Variants in RIMS1 observed in about 807,000 individuals in gnomAD.
The protein encoded by RIMS1 is regulating synaptic membrane exocytosis 1, also known as regulating synaptic membrane exocytosis protein 1.
RIMS1 carries 83 observed loss-of-function variants against 214.1 expected under a neutral mutation model. That is an observed-to-expected ratio of 0.39 (90% CI 0.32 to 0.47). RIMS1 has a LOEUF of 0.47. Among genes scored for constraint, RIMS1 ranks in the 20% least tolerant of loss-of-function variants. RIMS1 has a pLI of 0.99. For synonymous variants in RIMS1, 793 were observed against 786.8 expected (o/e 1.01, Z -0.13); for missense variants, 2,050 against 2,161.8 (o/e 0.95, Z 1.03).
intron 16 of RIMS1, among the ~76,000 whole-genome samples, chr6:72,254,977 G>A (rs1447408935): frequency 6.6e-6 from 1 of 151,672 alleles, no homozygotes; most frequent in African/African-American, 2.4e-5. Flanking sequence ...AATATGACTA[G>A]TAACTTATAA....
At chr6:72,195,594 C>T (rs2050730694) in intron 6 of RIMS1, among the ~76,000 whole-genome samples, 1 of 151,976 alleles carries the variant, frequency 6.6e-6, no homozygotes, top group Non-Finnish European at 1.5e-5. Context: ...GAATCGGGAA[C>T]TCTTATAAGA....
chr6:71,968,838 G>T, intron 1 of RIMS1, 145 bp from the exon 2 acceptor site: 1 of 683,948 alleles, frequency 1.5e-6, no homozygotes, highest in South Asian at 1.9e-5. Flanking sequence ...AACTCCAAGG[G>T]CTTTGCTGGG....
At chr6:72,377,264 G>A (rs970865921) in intron 29 of RIMS1, among the ~76,000 whole-genome samples, 13 of 152,252 alleles carry the variant, frequency 8.5e-5, no homozygotes, top group Admixed American at 3.3e-4. Context: ...TTCAAGCTGT[G>A]TCCACTGCCA....
chr6:72,398,364 T>C lies in RIMS1; in HGVS notation c.4720+14T>C, dbSNP rs1451861388. ...AATCTACACCTGGTAAGGAGAAGTATTCCTGAATTTGGTGAAGGGACTATT... is the reference window on the plus strand; with the variant it reads ...AATCTACACCTGGTAAGGAGAAGTACTCCTGAATTTGGTGAAGGGACTATT... On this transcript the variant is annotated intron_variant, in intron 32 of 33. Coordinates refer to ENST00000521978, the MANE Select transcript of RIMS1 (RefSeq NM_014989.7). The C allele has an allele frequency of 1.3e-6, 2 of 1,530,900 alleles. No individual in the cohort carries two copies. The highest frequency in any genetic ancestry group is 1.4e-5 in the African/African-American group (1 of 72,942). 94.8% of individuals were successfully genotyped at this position (1,530,900 alleles called of 1,614,324 possible). A position where few individuals can be genotyped will look rare whatever the true frequency, so the allele number is the denominator to read the frequency against.
At chr6:72,062,110 A>G (rs1334234754) in intron 2 of RIMS1, among the ~76,000 whole-genome samples, 1 of 152,172 alleles carries the variant, frequency 6.6e-6, no homozygotes, top group Non-Finnish European at 1.5e-5. Flanking sequence ...CTAACAGGGA[A>G]CTTTGAAAAT....
chr6:71,974,299 G>A (rs1183541007), intron 2 of RIMS1, among the ~76,000 whole-genome samples: 1 of 152,030 alleles, frequency 6.6e-6, no homozygotes, highest in African/African-American at 2.4e-5. Context: ...GGGAATTTGT[G>A]TGTGGGCATG....
At position 72,182,283 on chromosome 6, in the gene RIMS1, G is replaced by A; in HGVS notation, c.813-1G>A. 1 of 1,566,436 alleles carries A rather than the reference G, an allele frequency of 6.4e-7. No homozygotes were observed. Among genetic ancestry groups the A allele is most frequent in the Non-Finnish European group, 8.6e-7 (1 of 1,161,414 alleles). ...CCTTGACGTTCCTTTGTATATCATA[G>A]AAAGAAGACCCCAGGGCTTTCCGAG... On this transcript the variant is annotated splice_acceptor_variant, in intron 5 of 33. Transcript: ENST00000521978. LOFTEE classifies it high-confidence loss of function.
intron 2 of RIMS1, among the ~76,000 whole-genome samples, chr6:72,024,911 T>TC (rs1369004372): frequency 7.0e-6 from 1 of 143,038 alleles, no homozygotes; most frequent in Non-Finnish European, 1.5e-5. Flanking sequence ...TTTTTTTTTT[T>TC]TTTTTTTTTT....
intron 1 of RIMS1, among the ~76,000 whole-genome samples, chr6:71,927,186 T>C (rs1374247757): frequency 6.6e-6 from 1 of 152,178 alleles, no homozygotes; most frequent in African/African-American, 2.4e-5. Context: ...TAGAAGAATC[T>C]TTCTCAATAC....
intron 2 of RIMS1, among the ~76,000 whole-genome samples, chr6:72,032,284 A>G (rs558379455): frequency 2.0e-5 from 3 of 152,266 alleles, no homozygotes; most frequent in South Asian, 4.1e-4. Context: ...TACAGCAAGA[A>G]CTGATTCATT....
chr6:72,268,182 A>C (rs2081442175), intron 22 of RIMS1, among the ~76,000 whole-genome samples: 1 of 152,214 alleles, frequency 6.6e-6, no homozygotes, highest in African/African-American at 2.4e-5. Flanking sequence ...CCTATGAAGC[A>C]GCTTTGAAGC....
At chr6:72,258,314 A>G (rs1229686724) in intron 17 of RIMS1, 33 bp downstream of exon 17, 19 of 1,581,342 alleles carry the variant, frequency 1.2e-5, no homozygotes, top group African/African-American at 2.7e-5. Context: ...TGTCCCTGAC[A>G]GTACATTTTT....
At chr6:71,915,996 A>G (rs62407751) in intron 1 of RIMS1, among the ~76,000 whole-genome samples, 19,912 of 151,966 alleles carry the variant, frequency 0.13, 1,666 homozygotes, top group Middle Eastern at 0.21. Context: ...ACCCTCCCCC[A>G]TGATTCAATT....
At chr6:71,970,332 A>G (rs1456349182) in intron 2 of RIMS1, among the ~76,000 whole-genome samples, 1 of 152,208 alleles carries the variant, frequency 6.6e-6, no homozygotes, top group South Asian at 2.1e-4. Flanking sequence ...TTTTTGGATA[A>G]TTCATAGAAA....
At chr6:72,004,052 A>G (rs1445511444) in intron 2 of RIMS1, among the ~76,000 whole-genome samples, 1 of 116,194 alleles carries the variant, frequency 8.6e-6, no homozygotes, top group African/African-American at 3.4e-5. Flanking sequence ...CCAGAGTGTG[A>G]CATTACCCTT....
At chr6:71,945,355 G>T (rs746520158) in intron 1 of RIMS1, among the ~76,000 whole-genome samples, 1 of 152,156 alleles carries the variant, frequency 6.6e-6, no homozygotes, top group African/African-American at 2.4e-5. Context: ...GATCTAAAAG[G>T]CAGGGTGCTG....
At chr6:72,354,466 T>A (rs1007783349) in intron 29 of RIMS1, among the ~76,000 whole-genome samples, 1 of 152,174 alleles carries the variant, frequency 6.6e-6, no homozygotes, top group Admixed American at 6.5e-5. Flanking sequence ...ACTCATGTAT[T>A]TGCTGTAGTT....
At chr6:72,267,468 ATTAAG>A (rs2081113666) in intron 22 of RIMS1, among the ~76,000 whole-genome samples, 1 of 152,154 alleles carries the variant, frequency 6.6e-6, no homozygotes, top group South Asian at 2.1e-4. Flanking sequence ...TACTAAAAGG[ATTAAG>A]TTAATTTTAA....
chr6:72,314,482 T>G (rs2095662152), intron 28 of RIMS1, among the ~76,000 whole-genome samples: 1 of 152,188 alleles, frequency 6.6e-6, no homozygotes, highest in Non-Finnish European at 1.5e-5. Flanking sequence ...GAATTGAATT[T>G]TGAAAATTCT....
Sources: allele counts gnomAD v4.1 joint callset (sites outside exome capture counted in the v4.1 genomes callset), GRCh38; gene constraint gnomAD v4.1.1; transcripts MANE v1.5; gene names NCBI Gene and HGNC (gene_info 2026-07-23, HGNC 2026-07-21).